Variants in CRISPLD2 observed in about 807,000 individuals in gnomAD.
CRISPLD2 encodes cysteine-rich secretory protein LCCL domain-containing 2.
A neutral mutation model predicts 71.1 loss-of-function variants in CRISPLD2; 47 were observed. The ratio of observed to expected loss-of-function variants is 0.66; its 90% CI spans 0.52 to 0.84. The LOEUF (loss-of-function observed/expected upper bound fraction) is 0.84, where lower values mean the gene tolerates loss of function less well. CRISPLD2 is among the 40% of genes least tolerant of loss of function. The pLI is 0.00. For missense variants in CRISPLD2, 830 were observed against 651.1 expected (o/e 1.27, Z -2.99); for synonymous variants, 317 against 250.1 (o/e 1.27, Z -2.52).
At chr16:84,847,566 G>A (rs1224188346) in intron 3 of CRISPLD2, among the ~76,000 whole-genome samples, 1 of 151,834 alleles carries the variant, frequency 6.6e-6, no homozygotes, top group East Asian at 1.9e-4. Flanking sequence ...CAGGAGAATC[G>A]CTTGAACCCT....
intron 3 of CRISPLD2, 188 bp downstream of exon 3, chr16:84,846,092 A>G (rs920602730): frequency 6.1e-6 from 3 of 490,630 alleles, no homozygotes; most frequent in Non-Finnish European, 1.1e-5. Flanking sequence ...AATGTATTCA[A>G]GCTTGGTTGG....
At chr16:84,878,368 C>A (rs545979904) in intron 12 of CRISPLD2, among the ~76,000 whole-genome samples, 1 of 139,560 alleles carries the variant, frequency 7.2e-6, no homozygotes, top group Non-Finnish European at 1.5e-5. Context: ...CGGCCACACC[C>A]CTGCACCAGG....
intron 2 of CRISPLD2, among the ~76,000 whole-genome samples, chr16:84,845,085 T>C (rs1916875834): frequency 6.6e-6 from 1 of 152,192 alleles, no homozygotes; most frequent in South Asian, 2.1e-4. Flanking sequence ...GGTCCACACA[T>C]AACTGCGTAC....
intron 1 of CRISPLD2, among the ~76,000 whole-genome samples, chr16:84,823,607 T>C (rs1189834950): frequency 1.3e-5 from 2 of 152,152 alleles, no homozygotes; most frequent in African/African-American, 2.4e-5. Context: ...GACATCGCCC[T>C]GGGGGAGCCC....
intron 2 of CRISPLD2, among the ~76,000 whole-genome samples, chr16:84,843,063 C>T (rs935495962): frequency 5.3e-5 from 8 of 152,300 alleles, no homozygotes; most frequent in African/African-American, 1.9e-4. Context: ...GCCGCCCGGG[C>T]AGCCCAGAGC....
chr16:84,859,783 C>A (rs1355996852), intron 6 of CRISPLD2, among the ~76,000 whole-genome samples: 2 of 152,210 alleles, frequency 1.3e-5, no homozygotes, highest in Non-Finnish European at 2.9e-5. Context: ...TGCTGCTTTG[C>A]CTCTGCTGTC....
chr16:84,891,567 C>T (rs182010761), intron 14 of CRISPLD2, among the ~76,000 whole-genome samples: 12 of 152,312 alleles, frequency 7.9e-5, no homozygotes, highest in African/African-American at 2.9e-4. Flanking sequence ...GAGGAATTTC[C>T]TGGCCGGGCT....
chr16:84,836,014 C>T (rs1916609141), intron 1 of CRISPLD2, among the ~76,000 whole-genome samples: 1 of 152,180 alleles, frequency 6.6e-6, no homozygotes, highest in South Asian at 2.1e-4. Flanking sequence ...TGCCCTGAAG[C>T]CACGTGTGGA....
At position 84,854,716 on chromosome 16, in the gene CRISPLD2, G is replaced by T. The variant is rs1917187190; in HGVS notation, c.609-13G>T. 1 of 1,608,682 alleles carries T rather than the reference G, an allele frequency of 6.2e-7. No individual in the cohort carries two copies. The highest frequency in any genetic ancestry group is 8.5e-7 in the Non-Finnish European group (1 of 1,175,218). ...TGGTTCCCTCTGACGGTTGTTTTTG[G>T]GTCTGTCCTCAGGGGGAACTGGATT... On this transcript the variant is annotated splice_polypyrimidine_tract_variant and intron_variant, in intron 5 of 14. Transcript: ENST00000262424.
chr16:84,903,552 G>A lies in CRISPLD2; in HGVS notation c.1440-3036G>A, dbSNP rs527726347. On this transcript the variant is annotated intron_variant, in intron 14 of 14. Transcript: ENST00000262424. ...GGTTGCAATGAGCCGAGATCACACC[G>A]TTGCACTCCAGCCTGGGCAACAGGG... Among the ~76,000 whole-genome samples the A allele has an allele frequency of 2.9e-3, 437 of 150,700 alleles. 4 individuals are homozygous for A. The highest frequency in any genetic ancestry group is 0.022 in the South Asian group (106 of 4,776).
intron 14 of CRISPLD2, among the ~76,000 whole-genome samples, chr16:84,900,060 C>T (rs2071739993): frequency 6.6e-6 from 1 of 152,106 alleles, no homozygotes; most frequent in Non-Finnish European, 1.5e-5. Flanking sequence ...GCAGGGCCGC[C>T]AGGGTCACCC....
chr16:84,893,036 T>C (rs1450976868), intron 14 of CRISPLD2, among the ~76,000 whole-genome samples: 1 of 150,170 alleles, frequency 6.7e-6, no homozygotes, highest in Non-Finnish European at 1.5e-5. Context: ...GCACCTGTGC[T>C]GGGACCCAGG....
rs200162804 is a variant in CRISPLD2, at chr16:84,880,605, A to G, written c.1305+21A>G. The stretch of plus-strand genomic sequence containing the variant: ...CAGATGTGAGTAGGATGCATTTTCA[A>G]CAACTATCTCGCAAAGCCTGTTAAA... On this transcript the variant is annotated intron_variant, in intron 13 of 14. Coordinates refer to ENST00000262424, the MANE Select transcript of CRISPLD2 (RefSeq NM_031476.4). 895 of 1,606,226 alleles carry G rather than the reference A, an allele frequency of 5.6e-4. 4 individuals are homozygous for G. Among genetic ancestry groups the G allele is most frequent in the Non-Finnish European group, 6.4e-4 (752 of 1,173,296 alleles).
chr16:84,833,332 G>T (rs112854201), intron 1 of CRISPLD2, among the ~76,000 whole-genome samples: 1 of 152,316 alleles, frequency 6.6e-6, no homozygotes, highest in East Asian at 1.9e-4. Flanking sequence ...TCTCGGAGCC[G>T]TTATCTTACT....
chr16:84,900,075 C>T (rs1357150458), intron 14 of CRISPLD2, among the ~76,000 whole-genome samples: 2 of 152,072 alleles, frequency 1.3e-5, no homozygotes, highest in Non-Finnish European at 2.9e-5. Context: ...TCACCCCAGC[C>T]CCTGGCCACT....
chr16:84,831,014 G>A (rs62048662), intron 1 of CRISPLD2, among the ~76,000 whole-genome samples: 1 of 152,174 alleles, frequency 6.6e-6, no homozygotes, highest in African/African-American at 2.4e-5. Context: ...AGCTGGTGGT[G>A]AACGATTTAC....
At position 84,908,092 on chromosome 16, in the gene CRISPLD2, T is replaced by C. The variant is rs2071820977; in HGVS notation, c.*1450T>C. ...AGCAGAAAGTCAAAAACTAAGATAC[T>C]GTAGACTGGACAAGAAATTCTACCT... On this transcript the variant is annotated 3_prime_UTR_variant, in exon 15 of 15. Transcript: ENST00000262424. 2 of 152,260 alleles carry C rather than the reference T, an allele frequency of 1.3e-5. No homozygotes were observed. 9.4% of individuals were successfully genotyped at this position (152,260 alleles called of 1,614,324 possible).
At chr16:84,860,533 C>T (rs1182619362) in intron 6 of CRISPLD2, among the ~76,000 whole-genome samples, 1 of 152,166 alleles carries the variant, frequency 6.6e-6, no homozygotes, top group Non-Finnish European at 1.5e-5. Context: ...GCAGCTGCCT[C>T]AGGCGCCTCA....
chr16:84,884,254 G>T (rs2071592800), intron 13 of CRISPLD2, among the ~76,000 whole-genome samples: 1 of 152,234 alleles, frequency 6.6e-6, no homozygotes, highest in Admixed American at 6.5e-5. Context: ...ATCTTTATCA[G>T]CTGAGTGATT....
Sources: gnomAD v4.1 joint callset for allele counts (sites outside exome capture counted in the v4.1 genomes callset) on GRCh38, gnomAD v4.1.1 for gene constraint, MANE v1.5 for transcripts, NCBI Gene and HGNC (gene_info 2026-07-23, HGNC 2026-07-21) for gene names.